The following MED13L variants were observed in gnomAD, a reference collection of about 807,000 sequenced individuals.
MED13L encodes the protein mediator of RNA polymerase II transcription subunit 13-like.
In MED13L, 7 loss-of-function variants were observed where a neutral mutation model predicts 220.9. The ratio of observed to expected loss-of-function variants is 0.03; its 90% CI spans 0.02 to 0.06. MED13L has a LOEUF of 0.06. Ranked by LOEUF, MED13L falls within the 10% of genes least tolerant of loss-of-function variation. The pLI is 1.00. For missense variants in MED13L, 1,965 were observed against 2,760.5 expected (o/e 0.71, Z 6.46); for synonymous variants, 1,011 against 1,015.2 (o/e 1.00, Z 0.08).
At chr12:116,268,116 G>A (rs1169580865) in intron 1 of MED13L, among the ~76,000 whole-genome samples, 1 of 152,168 alleles carries the variant, frequency 6.6e-6, no homozygotes, top group Non-Finnish European at 1.5e-5. Flanking sequence ...TGAGCACCTA[G>A]CAAAGATGAT....
At chr12:116,251,308 CTTTTT>C (rs61533775) in intron 1 of MED13L, among the ~76,000 whole-genome samples, 1 of 87,892 alleles carries the variant, frequency 1.1e-5, no homozygotes, top group South Asian at 4.2e-4. Flanking sequence ...ATCATGGATC[CTTTTT>C]TTTTTTTTTT....
At chr12:115,980,575 C>A in intron 23 of MED13L, 175 bp downstream of exon 23, 1 of 699,814 alleles carries the variant, frequency 1.4e-6, no homozygotes, top group Non-Finnish European at 2.5e-6. Flanking sequence ...CCTTCCACCT[C>A]AGCCTCCGAA....
chr12:115,979,411 C>G (rs1036652326), intron 23 of MED13L, among the ~76,000 whole-genome samples: 12 of 152,062 alleles, frequency 7.9e-5, no homozygotes, highest in African/African-American at 2.7e-4. Context: ...AAAAATTTAA[C>G]AGAGAAAACA....
At chr12:116,199,072 G>A (rs1347243372) in intron 2 of MED13L, among the ~76,000 whole-genome samples, 1 of 152,150 alleles carries the variant, frequency 6.6e-6, no homozygotes, top group African/African-American at 2.4e-5. Flanking sequence ...GACCCATTTA[G>A]AGAAAAAGTT....
chr12:115,961,502 G>C lies in MED13L; in HGVS notation c.6501-104C>G, dbSNP rs574567715. On this transcript the variant is annotated intron_variant, in intron 30 of 30. Coordinates refer to ENST00000281928, the MANE Select transcript of MED13L (RefSeq NM_015335.5). ...TCTTAGCAGGAAGGAGGTCTCAAAG[G>C]CATTCCTTAACTTGCCCCAGGCTCT... 99 of 1,475,790 alleles carry C rather than the reference G, an allele frequency of 6.7e-5. No individual in the cohort carries two copies. In the African/African-American group the frequency reaches 1.2e-3, roughly 18 times the overall value. The allele number at this position is 1,475,790 out of a possible 1,614,324, so 91.4% of individuals were successfully genotyped here. A position where few individuals can be genotyped will look rare whatever the true frequency, so the allele number is the denominator to read the frequency against.
intron 2 of MED13L, among the ~76,000 whole-genome samples, chr12:116,119,836 A>ATATATATAT (rs1373268884): frequency 6.9e-5 from 5 of 72,342 alleles, no homozygotes; most frequent in African/African-American, 3.1e-4. Flanking sequence ...AAAAAAAAAA[A>ATATATATAT]AAATATATAT....
At chr12:116,266,522 G>C (rs76584407) in intron 1 of MED13L, among the ~76,000 whole-genome samples, 2 of 152,158 alleles carry the variant, frequency 1.3e-5, no homozygotes, top group Non-Finnish European at 2.9e-5. Flanking sequence ...CTCCCGCTCT[G>C]ACTGCCAGGA....
At chr12:116,253,368 C>T (rs920225806) in intron 1 of MED13L, among the ~76,000 whole-genome samples, 4 of 151,546 alleles carry the variant, frequency 2.6e-5, no homozygotes, top group Non-Finnish European at 5.9e-5. Flanking sequence ...TGAATTCTAT[C>T]GAACATCTAA....
chr12:116,214,300 A>C (rs898379280), intron 2 of MED13L, among the ~76,000 whole-genome samples: 1 of 152,218 alleles, frequency 6.6e-6, no homozygotes, highest in African/African-American at 2.4e-5. Context: ...ATGGTAACAA[A>C]AACTGTAAAC....
chr12:116,189,179 G>A (rs980781742), intron 2 of MED13L, among the ~76,000 whole-genome samples: 1 of 152,100 alleles, frequency 6.6e-6, no homozygotes, highest in African/African-American at 2.4e-5. Flanking sequence ...ATTTGGTGTT[G>A]TCACTAATTT....
intron 3 of MED13L, among the ~76,000 whole-genome samples, chr12:116,104,563 C>G (rs1393865637): frequency 6.6e-6 from 1 of 152,146 alleles, no homozygotes; most frequent in African/African-American, 2.4e-5. Context: ...AATATGCTAA[C>G]AATCCATTAG....
At chr12:116,052,078 T>TACACACAC (rs79990251) in intron 4 of MED13L, among the ~76,000 whole-genome samples, 33 of 149,502 alleles carry the variant, frequency 2.2e-4, no homozygotes, top group Admixed American at 3.3e-4. Context: ...CCTACACACA[T>TACACACAC]ACACACACAC....
At position 115,983,219 on chromosome 12, in the gene MED13L, G is replaced by A; in HGVS notation, c.4853C>T (p.Thr1618Ile). The change falls in exon 21 of 31, where the codon ACT (threonine) becomes ATT (isoleucine). Residue 1618 changes from threonine to isoleucine, a missense_variant. Physicochemically the swap from Thr to Ile is moderately conservative, Grantham distance 89. Coordinates refer to ENST00000281928, the MANE Select transcript of MED13L (RefSeq NM_015335.5). ...SGSVGGQNPS[T>I]GGISADRTQG... ...CGTTCTATCCGCAGAAATGCCCCCA[G>A]TGCTGGGGTTCTGCCCTCCAACACT... 1 of 1,614,152 alleles carries A rather than the reference G, an allele frequency of 6.2e-7. No individual in the cohort carries two copies. The highest frequency in any genetic ancestry group is 8.5e-7 in the Non-Finnish European group (1 of 1,179,998).
intron 19 of MED13L, 91 bp downstream of exon 19, chr12:115,986,175 T>C (rs917002095): frequency 7.4e-7 from 1 of 1,347,818 alleles, no homozygotes; most frequent in Non-Finnish European, 1.1e-6. Context: ...TGAGATTTAC[T>C]TTCAAGACAT....
chr12:116,152,169 G>GCCC (rs1237895278), intron 2 of MED13L, among the ~76,000 whole-genome samples: 2 of 152,044 alleles, frequency 1.3e-5, no homozygotes, highest in African/African-American at 4.8e-5. Context: ...TCCGTATAAA[G>GCCC]CCCCCAAAAG....
chr12:116,154,494 CCATGCAAACGATTT>C (rs1448822539), intron 2 of MED13L, among the ~76,000 whole-genome samples: 1 of 152,124 alleles, frequency 6.6e-6, no homozygotes, highest in Non-Finnish European at 1.5e-5. Context: ...AGAAATAATT[CCATGCAAACGATTT>C]GTTTTTCCCA....
chr12:116,169,500 C>A (rs1879523655), intron 2 of MED13L, among the ~76,000 whole-genome samples: 1 of 152,130 alleles, frequency 6.6e-6, no homozygotes, highest in Non-Finnish European at 1.5e-5. Flanking sequence ...TAACAGAAGA[C>A]AATCATATTG....
At chr12:116,266,701 G>GT (rs1404754204) in intron 1 of MED13L, among the ~76,000 whole-genome samples, 1 of 152,142 alleles carries the variant, frequency 6.6e-6, no homozygotes, top group Admixed American at 6.6e-5. Context: ...AGAGATGGGA[G>GT]TTTTTTTGTG....
At chr12:116,158,743 T>C (rs1878636913) in intron 2 of MED13L, among the ~76,000 whole-genome samples, 2 of 152,330 alleles carry the variant, frequency 1.3e-5, no homozygotes, top group South Asian at 4.1e-4. Context: ...GTAATGTTGA[T>C]AATTTTCAAA....
Sources: gnomAD v4.1 joint callset for allele counts (sites outside exome capture counted in the v4.1 genomes callset) on GRCh38, gnomAD v4.1.1 for gene constraint, MANE v1.5 for transcripts, NCBI Gene and HGNC (gene_info 2026-07-23, HGNC 2026-07-21) for gene names.